The following SOX30 variants were observed in gnomAD, a reference collection of about 807,000 sequenced individuals.
SOX30 encodes the protein SRY-box transcription factor 30, also known as transcription factor SOX-30.
In SOX30, 17 loss-of-function variants were observed where a neutral mutation model predicts 58.6. The observed-to-expected ratio is 0.29, with a 90% CI of 0.20 to 0.44. The LOEUF (loss-of-function observed/expected upper bound fraction) is 0.44. Ranked by LOEUF, SOX30 falls within the 20% of genes least tolerant of loss-of-function variation. The probability of loss-of-function intolerance (pLI) is 1.00; values close to 1 mark genes in which losing one functional copy is unlikely to be tolerated. For synonymous variants in SOX30, 421 were observed against 400.2 expected, an observed-to-expected ratio of 1.05 and a Z score of -0.62; for missense variants, 951 against 965.8, an observed-to-expected ratio of 0.98 and a Z score of 0.20.
At chr5:157,669,765 C>T (rs1386965365) in intron 1 of SOX30, among the ~76,000 whole-genome samples, 1 of 152,056 alleles carries the variant, frequency 6.6e-6, no homozygotes, top group Admixed American at 6.6e-5. Context: ...GTGATCCGCC[C>T]GCCTTAGCCT....
upstream of SOX30, among the ~76,000 whole-genome samples, chr5:157,654,879 C>G (rs1759441484): frequency 6.6e-6 from 1 of 152,180 alleles, no homozygotes; most frequent in African/African-American, 2.4e-5. Context: ...AAAATCCACC[C>G]CTTGTTTAGC....
chr5:157,626,213 G>T lies in SOX30; in HGVS notation c.*127C>A, dbSNP rs1758647412. 2.5e-6 allele frequency: 2 copies of T among 809,460 alleles called. No homozygotes were observed. Among genetic ancestry groups the T allele is most frequent in the Non-Finnish European group, 3.6e-6 (2 of 548,258 alleles). 50.1% of individuals were successfully genotyped at this position (809,460 alleles called of 1,614,324 possible). A position where few individuals can be genotyped will look rare whatever the true frequency, so the allele number is the denominator to read the frequency against. On this transcript the variant is annotated 3_prime_UTR_variant, in exon 5 of 5. Transcript: ENST00000265007. ...TTTATGAAGACATAAATTGCATTTG[G>T]TTTTAACTCCTCAAATCACGACTGA...
chr5:157,645,442 T>C (rs1759165256), intron 3 of SOX30, among the ~76,000 whole-genome samples: 1 of 152,088 alleles, frequency 6.6e-6, no homozygotes. Flanking sequence ...GGTGGGTGGA[T>C]CATTTGAGCC....
chr5:157,669,486 T>TTTTATTTA (rs35157596), intron 1 of SOX30, among the ~76,000 whole-genome samples: 9,758 of 136,628 alleles, frequency 0.071, 396 homozygotes, highest in African/African-American at 0.084. Flanking sequence ...CGCCCATCAA[T>TTTTATTTA]TTTATTTATT....
intron 2 of SOX30, among the ~76,000 whole-genome samples, chr5:157,658,288 T>G (rs1185287363): frequency 6.6e-6 from 1 of 152,224 alleles, no homozygotes; most frequent in Non-Finnish European, 1.5e-5. Flanking sequence ...CCGTGATTTG[T>G]CTTTAGTAAA....
At position 157,638,235 on chromosome 5, in the gene SOX30, T is replaced by C. The variant is rs750322450; in HGVS notation, c.1875A>G (p.Pro625=). The C allele has an allele frequency of 5.9e-6, 9 of 1,512,840 alleles. No individual in the cohort carries two copies. The highest frequency in any genetic ancestry group is 1.3e-5 in the South Asian group (1 of 74,282). 93.7% of individuals were successfully genotyped at this position (1,512,840 alleles called of 1,614,324 possible). A position where few individuals can be genotyped will look rare whatever the true frequency, so the allele number is the denominator to read the frequency against. ...GAAAAAAAATGTTAATTTACCTTGA[T>C]GGGAAGTAGTGAGGTCCGGGTAGGA... ...PYFLPGPHYF[P]SSTCPYSRPP... The change falls in exon 4 of 5, where the codon CCA becomes CCG. Residue 625 remains proline (P), a synonymous_variant. Transcript: ENST00000265007.
upstream of SOX30, among the ~76,000 whole-genome samples, chr5:157,654,473 C>G (rs1759429944): frequency 6.6e-6 from 1 of 152,170 alleles, no homozygotes; most frequent in African/African-American, 2.4e-5. Context: ...AACCACTGTA[C>G]TAGGGTTTAA....
intron 4 of SOX30, among the ~76,000 whole-genome samples, chr5:157,636,439 T>A (rs1040121607): frequency 6.6e-6 from 1 of 152,180 alleles, no homozygotes; most frequent in Non-Finnish European, 1.5e-5. Context: ...CAGATAGCAA[T>A]GAAAAGAGAT....
At chr5:157,661,378 A>T (rs1486308343) in intron 2 of SOX30, among the ~76,000 whole-genome samples, 1 of 152,168 alleles carries the variant, frequency 6.6e-6, no homozygotes, top group South Asian at 2.1e-4. Flanking sequence ...GTCTGTGTCT[A>T]TTGAGATGAT....
chr5:157,647,974 T>A (rs1759236415), intron 2 of SOX30, among the ~76,000 whole-genome samples: 1 of 152,182 alleles, frequency 6.6e-6, no homozygotes, highest in East Asian at 1.9e-4. Flanking sequence ...AACTATGGCA[T>A]TTGCAGCCAC....
intron 2 of SOX30, among the ~76,000 whole-genome samples, chr5:157,666,432 T>C (rs1383145235): frequency 1.3e-5 from 2 of 150,368 alleles, no homozygotes; most frequent in Non-Finnish European, 3.0e-5. Context: ...AGTGCTGGGA[T>C]TGGTGTGAGC....
intron 3 of SOX30, among the ~76,000 whole-genome samples, chr5:157,639,392 C>T (rs1759007769): frequency 6.6e-6 from 1 of 151,814 alleles, no homozygotes; most frequent in Admixed American, 6.6e-5. Context: ...TTATAAATGA[C>T]ATTTAATTTT....
Position 157,626,288 on chromosome 5 carries a change from C to A in SOX30, c.*52G>T. On this transcript the variant is annotated 3_prime_UTR_variant, in exon 5 of 5. Coordinates refer to ENST00000265007, the MANE Select transcript of SOX30 (RefSeq NM_178424.2). The stretch of plus-strand genomic sequence containing the variant: ...CTTTTTTTTTTCTCATACCAACTGA[C>A]CCAGAATATATTTTAAGAAATGTTT... 1 of 1,446,780 alleles carries A rather than the reference C, an allele frequency of 6.9e-7. No homozygotes were observed. Among genetic ancestry groups the A allele is most frequent in the South Asian group, 1.4e-5 (1 of 69,542 alleles). The allele number at this position is 1,446,780 out of a possible 1,614,324, so 89.6% of individuals were successfully genotyped here.
At chr5:157,640,344 G>C (rs747134517) in intron 3 of SOX30, among the ~76,000 whole-genome samples, 1 of 152,032 alleles carries the variant, frequency 6.6e-6, no homozygotes, top group East Asian at 1.9e-4. Context: ...AAATGAATAG[G>C]AATACTCATA....
At chr5:157,665,389 AT>A (rs1323195678) in intron 2 of SOX30, among the ~76,000 whole-genome samples, 2 of 152,154 alleles carry the variant, frequency 1.3e-5, no homozygotes, top group African/African-American at 4.8e-5. Flanking sequence ...ATAGGTGGGA[AT>A]TGAATAATGA....
Position 157,652,275 on chromosome 5 carries a change from CCGG to C in SOX30, c.-200_-198del, listed in dbSNP as rs1436407485. The C allele has an allele frequency of 4.0e-6, 5 of 1,251,444 alleles. No individual in the cohort carries two copies. Among genetic ancestry groups the C allele is most frequent in the Non-Finnish European group, 5.0e-6 (5 of 1,001,098 alleles). The allele number at this position is 1,251,444 out of a possible 1,614,324, so 77.5% of individuals were successfully genotyped here. ...GGACGGCCAATCACAGGCGGGTTTT[CCGG>C]CTCTTCCTGGTCCCTACTCTCGCCT... On this transcript the variant is annotated 5_prime_UTR_variant, in exon 1 of 5. Transcript: ENST00000265007.
chr5:157,657,404 T>C (rs994639805), upstream of SOX30, among the ~76,000 whole-genome samples: 2 of 152,208 alleles, frequency 1.3e-5, no homozygotes, highest in African/African-American at 4.8e-5. Flanking sequence ...TTTAATCCTC[T>C]TCAAAAGTTG....
In SOX30 at chr5:157,651,525, T is replaced by G; in HGVS notation, c.554A>C (p.Lys185Thr). Residue 185 changes from lysine (K) to threonine (T), a missense_variant, in exon 1 of 5, where the codon AAG becomes ACG. Physicochemically the swap from Lys to Thr is moderately conservative, Grantham distance 78. Transcript: ENST00000265007. Reference sequence around the variant, plus strand: ...TCTCATGACCTCCTCCGCCTCCAGCTTGCCCTTCTCGTCCCCTCGGAAGTA... The same window carrying G: ...TCTCATGACCTCCTCCGCCTCCAGCGTGCCCTTCTCGTCCCCTCGGAAGTA... Reference protein sequence around the residue: ...LGYFRGDEKGKLEAEEVMRDS... With the variant: ...LGYFRGDEKGTLEAEEVMRDS... The G allele has an allele frequency of 6.2e-7, 1 of 1,613,414 alleles. No homozygotes were observed. The highest frequency in any genetic ancestry group is 8.5e-7 in the Non-Finnish European group (1 of 1,180,024).
intron 4 of SOX30, among the ~76,000 whole-genome samples, chr5:157,627,458 C>G (rs1284512629): frequency 6.6e-6 from 1 of 152,060 alleles, no homozygotes; most frequent in East Asian, 1.9e-4. Context: ...TGAAAGGAAG[C>G]TCATGTTGGG....
Sources: gnomAD v4.1 joint callset for allele counts (sites outside exome capture counted in the v4.1 genomes callset) on GRCh38, gnomAD v4.1.1 for gene constraint, MANE v1.5 for transcripts, NCBI Gene and HGNC (gene_info 2026-07-23, HGNC 2026-07-21) for gene names.